The following APBB1IP variants were observed in gnomAD, a reference collection of about 807,000 sequenced individuals.
APBB1IP encodes the protein amyloid beta A4 precursor protein-binding family B member 1-interacting protein.
A neutral mutation model predicts 64.9 loss-of-function variants in APBB1IP; 27 were observed. The observed-to-expected ratio is 0.42, with a 90% CI of 0.31 to 0.57. The LOEUF (loss-of-function observed/expected upper bound fraction) is 0.57, where lower values mean the gene tolerates loss of function less well. Ranked by LOEUF, APBB1IP falls within the 20% of genes least tolerant of loss-of-function variation. The pLI is 0.20. For missense variants in APBB1IP, 812 were observed against 845.5 expected, an observed-to-expected ratio of 0.96 and a Z score of 0.49; for synonymous variants, 392 against 331.0, an observed-to-expected ratio of 1.18 and a Z score of -2.00.
chr10:26,475,019 A>G (rs1260182942), intron 2 of APBB1IP, among the ~76,000 whole-genome samples: 1 of 152,262 alleles, frequency 6.6e-6, no homozygotes, highest in Non-Finnish European at 1.5e-5. Context: ...GTGATGTAAC[A>G]GACACCTCCC....
intron 11 of APBB1IP, among the ~76,000 whole-genome samples, chr10:26,545,751 C>G (rs1836755092): frequency 6.8e-6 from 1 of 146,674 alleles, no homozygotes; most frequent in African/African-American, 2.5e-5. Flanking sequence ...CAGAGCGAGA[C>G]TCCGTCTCAA....
intron 2 of APBB1IP, among the ~76,000 whole-genome samples, chr10:26,456,165 A>T (rs570830220): frequency 8.7e-4 from 133 of 152,314 alleles, no homozygotes; most frequent in South Asian, 3.1e-3. Flanking sequence ...GATTGTGGTG[A>T]TGGTTGCACA....
At position 26,548,941 on chromosome 10, in the gene APBB1IP, T is replaced by G. The variant is rs140409974; in HGVS notation, c.1155+7249T>G. 9.3e-3 allele frequency among the ~76,000 whole-genome samples: 1,420 copies of G among 152,338 alleles called. 15 individuals carry two copies. Among genetic ancestry groups the G allele is most frequent in the Admixed American group, 0.014 (221 of 15,304 alleles). Reference sequence around the variant, plus strand: ...TTTGAGATCTTAGGGAAAAAGCTTCTAATTTTTTCCCATTCAGGGTGATGT... The same window carrying G: ...TTTGAGATCTTAGGGAAAAAGCTTCGAATTTTTTCCCATTCAGGGTGATGT... On this transcript the variant is annotated intron_variant, in intron 11 of 14. Coordinates refer to ENST00000376236, the MANE Select transcript of APBB1IP (RefSeq NM_019043.4).
At chr10:26,524,627 G>T (rs1461433104) in intron 8 of APBB1IP, among the ~76,000 whole-genome samples, 2 of 152,138 alleles carry the variant, frequency 1.3e-5, no homozygotes, top group East Asian at 1.9e-4. Context: ...AAAAGGCAGG[G>T]CATCTCAAAG....
intron 2 of APBB1IP, among the ~76,000 whole-genome samples, chr10:26,477,800 A>G (rs1344923255): frequency 1.3e-5 from 2 of 152,180 alleles, no homozygotes; most frequent in Non-Finnish European, 2.9e-5. Context: ...GTTAGATCAC[A>G]GTTCACTGCA....
intron 8 of APBB1IP, among the ~76,000 whole-genome samples, chr10:26,527,912 G>T (rs538778520): frequency 6.6e-6 from 1 of 151,926 alleles, no homozygotes; most frequent in South Asian, 2.1e-4. Context: ...GGCTGGTCTC[G>T]AACTCCTGAC....
chr10:26,532,213 A>G (rs1339534324), intron 8 of APBB1IP, among the ~76,000 whole-genome samples: 2 of 152,152 alleles, frequency 1.3e-5, no homozygotes, highest in African/African-American at 4.8e-5. Flanking sequence ...TACATTTGTT[A>G]TGTATTATTT....
chr10:26,452,384 C>T (rs937859427), intron 2 of APBB1IP, among the ~76,000 whole-genome samples: 2 of 152,186 alleles, frequency 1.3e-5, no homozygotes, highest in South Asian at 4.1e-4. Flanking sequence ...CCTGAACTCA[C>T]TGTGTGATGT....
chr10:26,443,926 A>G (rs1461539629), intron 2 of APBB1IP, among the ~76,000 whole-genome samples: 1 of 152,230 alleles, frequency 6.6e-6, no homozygotes, highest in African/African-American at 2.4e-5. Context: ...AGTGAACAAA[A>G]GAGACAAAGA....
chr10:26,528,626 T>C (rs762915152), intron 8 of APBB1IP, among the ~76,000 whole-genome samples: 1 of 152,150 alleles, frequency 6.6e-6, no homozygotes, highest in Non-Finnish European at 1.5e-5. Context: ...CTCCATGTGA[T>C]AGCAACCTTC....
intron 2 of APBB1IP, among the ~76,000 whole-genome samples, chr10:26,454,126 C>T (rs1029359988): frequency 6.6e-6 from 1 of 152,170 alleles, no homozygotes; most frequent in African/African-American, 2.4e-5. Context: ...ATGGCATGTT[C>T]TCACTTATTT....
chr10:26,478,786 G>A (rs1835804823), intron 2 of APBB1IP, among the ~76,000 whole-genome samples: 1 of 152,032 alleles, frequency 6.6e-6, no homozygotes, highest in African/African-American at 2.4e-5. Flanking sequence ...AGAGAAGGCT[G>A]GAAGGAGAAG....
chr10:26,566,874 G>A, intron 14 of APBB1IP, 87 bp from the exon 15 acceptor site: 1 of 1,401,608 alleles, frequency 7.1e-7, no homozygotes, highest in South Asian at 1.3e-5. Context: ...GCGACAGAGT[G>A]AGACCCCGTC....
chr10:26,505,808 GAGGGCC>G (rs1185756116), intron 6 of APBB1IP, among the ~76,000 whole-genome samples: 1 of 151,318 alleles, frequency 6.6e-6, no homozygotes, highest in African/African-American at 2.4e-5. Flanking sequence ...TGTTTCTGCC[GAGGGCC>G]AGACTCTTCT....
At chr10:26,462,145 C>T (rs1359598184) in intron 2 of APBB1IP, among the ~76,000 whole-genome samples, 3 of 152,180 alleles carry the variant, frequency 2.0e-5, no homozygotes, top group Admixed American at 2.0e-4. Flanking sequence ...CTGACAAAGA[C>T]CATCTGACTT....
At chr10:26,512,969 T>G (rs1480749751) in intron 7 of APBB1IP, among the ~76,000 whole-genome samples, 3 of 152,224 alleles carry the variant, frequency 2.0e-5, no homozygotes, top group African/African-American at 7.2e-5. Flanking sequence ...CATTCACACA[T>G]TGCTTTTAGA....
chr10:26,541,616 A>C lies in APBB1IP; in HGVS notation c.1079A>C (p.Glu360Ala), dbSNP rs372662729. 3.1e-5 allele frequency: 50 copies of C among 1,611,642 alleles called. No homozygotes were observed. Among genetic ancestry groups the C allele is most frequent in the Non-Finnish European group, 3.9e-5 (46 of 1,179,424 alleles). ...GATCTGGCGTGTTTTATACAGTTTG[A>C]AAATGTCAACATTTACTATGGGACT... ...SRDLACFIQF[E>A]NVNIYYGTQH... The change falls in exon 11 of 15, where the codon GAA becomes GCA. Residue 360 changes from glutamate (E) to alanine (A), a missense_variant. By Grantham distance (107) the Glu-to-Ala change is moderately radical. Around this residue, in one of 3 missense-constraint regions of APBB1IP, gnomAD observed 37 missense variants for 80.4 expected, o/e 0.46. Transcript: ENST00000376236.
chr10:26,498,109 A>G (rs1303608718), intron 4 of APBB1IP, among the ~76,000 whole-genome samples: 1 of 152,094 alleles, frequency 6.6e-6, no homozygotes, highest in African/African-American at 2.4e-5. Flanking sequence ...AAATTATAAT[A>G]TACATCTTGC....
chr10:26,524,980 A>G (rs949815281), intron 8 of APBB1IP, among the ~76,000 whole-genome samples: 1 of 61,464 alleles, frequency 1.6e-5, no homozygotes, highest in African/African-American at 5.0e-5. Flanking sequence ...TTTTTATAAA[A>G]AAAGGAATCC....
Sources: allele counts gnomAD v4.1 joint callset (sites outside exome capture counted in the v4.1 genomes callset), GRCh38; gene constraint gnomAD v4.1.1; regional missense constraint gnomAD v4.1.1; transcripts MANE v1.5; gene names NCBI Gene and HGNC (gene_info 2026-07-23, HGNC 2026-07-21).